Variants in GALNT13 observed in about 807,000 individuals in gnomAD.
The protein encoded by GALNT13 is polypeptide N-acetylgalactosaminyltransferase 13, also known as UDP-GalNAc:polypeptide N-acetylgalactosaminyltransferase 13.
Under a neutral mutation model 64.2 loss-of-function variants are expected in GALNT13, and 28 were observed. That is an observed-to-expected ratio of 0.44 (90% CI 0.32 to 0.60). The LOEUF (loss-of-function observed/expected upper bound fraction) is 0.60, where lower values mean the gene tolerates loss of function less well. GALNT13 is among the 20% of genes least tolerant of loss of function. The probability of loss-of-function intolerance (pLI) is 0.05; values close to 1 mark genes in which losing one functional copy is unlikely to be tolerated. For missense variants in GALNT13, 577 were observed against 669.8 expected, an observed-to-expected ratio of 0.86 and a Z score of 1.53; for synonymous variants, 214 against 224.6, an observed-to-expected ratio of 0.95 and a Z score of 0.42.
At chr2:153,760,779 T>G in the GALNT13 span, among the ~76,000 whole-genome samples, 2 of 152,144 alleles carry the variant, frequency 1.3e-5, no homozygotes, top group African/African-American at 4.8e-5. Flanking sequence ...TAATGTTTTC[T>G]TATTTATTTT....
intron 11 of GALNT13, among the ~76,000 whole-genome samples, chr2:154,412,507 G>A (rs1574259528): frequency 6.6e-6 from 1 of 151,274 alleles, no homozygotes; most frequent in East Asian, 1.9e-4. Context: ...CATAACAAAT[G>A]TTAAAATCCT....
chr2:153,250,356 T>C, the GALNT13 span, among the ~76,000 whole-genome samples: 1 of 152,316 alleles, frequency 6.6e-6, no homozygotes, highest in Non-Finnish European at 1.5e-5. Context: ...CCAGTTAGAA[T>C]GGTGATTATT....
At chr2:154,169,567 G>A (rs922326495) in intron 4 of GALNT13, among the ~76,000 whole-genome samples, 1 of 152,080 alleles carries the variant, frequency 6.6e-6, no homozygotes, top group Non-Finnish European at 1.5e-5. Context: ...GCCCCATATT[G>A]GCACTAGTGA....
chr2:154,432,031 G>T lies in GALNT13; in HGVS notation c.1396-6561G>T, dbSNP rs150770196. ...TCATCTATGAAAAGAAAAATACAGA[G>T]ATTAAAAGGAATTGAGATTTGAATT... On this transcript the variant is annotated intron_variant, in intron 11 of 12. Coordinates refer to ENST00000392825, the MANE Select transcript of GALNT13 (RefSeq NM_052917.4). 7.7e-3 allele frequency among the ~76,000 whole-genome samples: 1,176 copies of T among 152,208 alleles called. 22 individuals carry two copies. Among genetic ancestry groups the T allele is most frequent in the African/African-American group, 0.026 (1,091 of 41,522 alleles).
chr2:153,326,176 A>G, the GALNT13 span, among the ~76,000 whole-genome samples: 1,374 of 152,240 alleles, frequency 9.0e-3, 25 homozygotes, highest in East Asian at 0.084. Flanking sequence ...CTGGGTGCAT[A>G]TATATTTAGG....
In GALNT13 at chr2:153,887,616, A is replaced by G. The variant is rs1022163448; in HGVS notation, c.-176-13320A>G. 3.3e-5 allele frequency among the ~76,000 whole-genome samples: 5 copies of G among 151,940 alleles called. No homozygotes were observed. The East Asian group carries it at 9.6e-4, about 29-fold the overall frequency. ...TTATACACATTATACACAATGCTAA[A>G]CAATGACCTACCACTTTGCAAAAAA... On this transcript the variant is annotated intron_variant, in intron 1 of 12. Coordinates refer to ENST00000392825, the MANE Select transcript of GALNT13 (RefSeq NM_052917.4).
rs558525059 is a variant in GALNT13, at chr2:154,195,486, C to A, written c.312-46544C>A. Among the ~76,000 whole-genome samples, 34 of 152,266 alleles carry A rather than the reference C, an allele frequency of 2.2e-4. 3 individuals are homozygous for A. Among genetic ancestry groups the A allele is most frequent in the Admixed American group, 5.9e-4 (9 of 15,280 alleles). Reference sequence around the variant, plus strand: ...AATTCCTAAGAAACCATAAATCTCACAAGTTTCAAAGGCTGCTACCCATTT... The same window carrying A: ...AATTCCTAAGAAACCATAAATCTCAAAAGTTTCAAAGGCTGCTACCCATTT... On this transcript the variant is annotated intron_variant, in intron 4 of 12. Coordinates refer to ENST00000392825, the MANE Select transcript of GALNT13 (RefSeq NM_052917.4).
the GALNT13 span, among the ~76,000 whole-genome samples, chr2:153,347,574 T>C: frequency 6.6e-6 from 1 of 152,230 alleles, no homozygotes; most frequent in Non-Finnish European, 1.5e-5. Context: ...TGAAGGCATA[T>C]AGCACTTGAG....
the GALNT13 span, among the ~76,000 whole-genome samples, chr2:153,689,062 G>A: frequency 1.2e-4 from 13 of 109,790 alleles, no homozygotes; most frequent in Middle Eastern, 5.4e-3. Flanking sequence ...TTGCTAAACC[G>A]CGTGTGTATG....
At chr2:153,333,374 T>G in the GALNT13 span, among the ~76,000 whole-genome samples, 1 of 152,124 alleles carries the variant, frequency 6.6e-6, no homozygotes, top group Admixed American at 6.6e-5. Flanking sequence ...TACTAGGACT[T>G]TACTCATTTT....
chr2:153,433,774 T>A, the GALNT13 span, among the ~76,000 whole-genome samples: 2 of 152,108 alleles, frequency 1.3e-5, no homozygotes, highest in Non-Finnish European at 2.9e-5. Context: ...TCCGAACATA[T>A]ATTTGAAAAA....
At chr2:154,123,097 C>T (rs1320611301) in intron 3 of GALNT13, among the ~76,000 whole-genome samples, 2 of 151,790 alleles carry the variant, frequency 1.3e-5, no homozygotes, top group Non-Finnish European at 2.9e-5. Flanking sequence ...AATTATCTTT[C>T]AAAACTGAAG....
chr2:153,726,420 T>A, the GALNT13 span, among the ~76,000 whole-genome samples: 22 of 152,248 alleles, frequency 1.4e-4, no homozygotes, highest in Admixed American at 1.3e-3. Flanking sequence ...AGCCATAATT[T>A]GAAAGTAATA....
At chr2:153,880,602 A>G (rs1212976390) in intron 1 of GALNT13, among the ~76,000 whole-genome samples, 2 of 152,068 alleles carry the variant, frequency 1.3e-5, no homozygotes, top group Admixed American at 6.6e-5. Flanking sequence ...TCTTATAGCA[A>G]ATTTCACCAG....
At chr2:153,430,618 T>C in the GALNT13 span, among the ~76,000 whole-genome samples, 3 of 150,366 alleles carry the variant, frequency 2.0e-5, no homozygotes, top group Non-Finnish European at 3.0e-5. Context: ...TATCCATTGA[T>C]CTCGGATGCT....
intron 3 of GALNT13, among the ~76,000 whole-genome samples, chr2:154,127,146 TATA>T (rs1230240036): frequency 1.3e-5 from 2 of 152,104 alleles, no homozygotes; most frequent in Non-Finnish European, 2.9e-5. Context: ...AATTTAACAA[TATA>T]ATGATATATA....
At chr2:153,300,888 C>T in the GALNT13 span, among the ~76,000 whole-genome samples, 1 of 152,046 alleles carries the variant, frequency 6.6e-6, no homozygotes, top group African/African-American at 2.4e-5. Context: ...TTGAAATAAT[C>T]AATCTTATGA....
chr2:154,263,098 GA>G (rs1382181855), intron 8 of GALNT13, among the ~76,000 whole-genome samples: 1 of 151,996 alleles, frequency 6.6e-6, no homozygotes, highest in Non-Finnish European at 1.5e-5. Flanking sequence ...CAGAGCATGG[GA>G]AAAAATAAAT....
chr2:153,371,740 A>C, the GALNT13 span, among the ~76,000 whole-genome samples: 1 of 152,210 alleles, frequency 6.6e-6, no homozygotes, highest in East Asian at 1.9e-4. Context: ...TGAAAAAATT[A>C]ATTCTAAGAA....
Sources: gnomAD v4.1 joint callset for allele counts (sites outside exome capture counted in the v4.1 genomes callset) on GRCh38, gnomAD v4.1.1 for gene constraint, MANE v1.5 for transcripts, NCBI Gene and HGNC (gene_info 2026-07-23, HGNC 2026-07-21) for gene names.